Variants in ROCK1 observed in about 807,000 individuals in gnomAD.
The protein encoded by ROCK1 is rho-associated protein kinase 1.
ROCK1 carries 36 observed loss-of-function variants against 196.8 expected under a neutral mutation model. That is an observed-to-expected ratio of 0.18 (90% CI 0.14 to 0.24). The LOEUF (loss-of-function observed/expected upper bound fraction) is 0.24. Ranked by LOEUF, ROCK1 falls within the 10% of genes least tolerant of loss-of-function variation. ROCK1 has a pLI of 1.00. For synonymous variants in ROCK1, 443 were observed against 515.9 expected (o/e 0.86, Z 1.91); for missense variants, 920 against 1,562.0 (o/e 0.59, Z 6.93).
chr18:21,077,452 C>T (rs1171573632), intron 1 of ROCK1, among the ~76,000 whole-genome samples: 1 of 152,076 alleles, frequency 6.6e-6, no homozygotes, highest in East Asian at 1.9e-4. Context: ...ATTCAGAACA[C>T]AGGCAGGAAA....
chr18:20,957,194 A>T (rs1206187844), intron 29 of ROCK1, among the ~76,000 whole-genome samples: 2 of 152,238 alleles, frequency 1.3e-5, no homozygotes, highest in Admixed American at 1.3e-4. Context: ...AACATAAGTT[A>T]AAAAAAGGAA....
At chr18:20,964,735 A>G (rs2035357009) in intron 27 of ROCK1, among the ~76,000 whole-genome samples, 1 of 152,226 alleles carries the variant, frequency 6.6e-6, no homozygotes, top group South Asian at 2.1e-4. Context: ...CTGAAAATGG[A>G]GCTAGTAGAA....
At chr18:20,968,725 G>T (rs772853423) in intron 25 of ROCK1, 47 bp downstream of exon 25, 1 of 1,132,354 alleles carries the variant, frequency 8.8e-7, no homozygotes, top group Non-Finnish European at 1.3e-6. Context: ...AAAGAGCAAT[G>T]ATTAACTCAA....
chr18:21,014,006 C>G (rs1466595159), intron 13 of ROCK1, among the ~76,000 whole-genome samples: 1 of 145,576 alleles, frequency 6.9e-6, no homozygotes, highest in Non-Finnish European at 1.5e-5. Context: ...GCGGAGCTTG[C>G]AGTGAGCAGA....
At chr18:21,103,380 A>G (rs1454879534) in intron 1 of ROCK1, among the ~76,000 whole-genome samples, 1 of 152,184 alleles carries the variant, frequency 6.6e-6, no homozygotes, top group Non-Finnish European at 1.5e-5. Context: ...CTTAAATAAT[A>G]AATCAAAGAC....
intron 1 of ROCK1, among the ~76,000 whole-genome samples, chr18:21,088,958 T>C (rs1368457906): frequency 6.6e-6 from 1 of 152,116 alleles, no homozygotes; most frequent in Non-Finnish European, 1.5e-5. Flanking sequence ...AATTACCCAG[T>C]CTTGGTTCTG....
intron 16 of ROCK1, among the ~76,000 whole-genome samples, chr18:20,995,584 C>A (rs866823648): frequency 6.6e-6 from 1 of 152,138 alleles, no homozygotes; most frequent in Non-Finnish European, 1.5e-5. Flanking sequence ...AGTCCCAAGC[C>A]TGGCAGCATT....
In ROCK1 at chr18:21,042,112, G is replaced by T; in HGVS notation, c.944C>A (p.Ala315Asp). ...ISKEAKNLIC[A>D]FLTDREVRLG... ...AATTATTTACCTGTCAGTAAGGAAG[G>T]CACAAATAAGGTTTTTTGCTTCTTT... The change falls in exon 8 of 33, where the codon GCC becomes GAC. Residue 315 changes from alanine to aspartate, a missense_variant. This residue lies in a region of ROCK1 where 234 missense variants were observed against 460.7 expected (regional missense o/e 0.51). Coordinates refer to ENST00000399799, the MANE Select transcript of ROCK1 (RefSeq NM_005406.3). The T allele has an allele frequency of 6.3e-7, 1 of 1,598,914 alleles. No homozygotes were observed. Among genetic ancestry groups the T allele is most frequent in the Non-Finnish European group, 8.5e-7 (1 of 1,175,972 alleles).
At chr18:21,031,158 G>C (rs12454435) in intron 9 of ROCK1, among the ~76,000 whole-genome samples, 2 of 152,182 alleles carry the variant, frequency 1.3e-5, no homozygotes, top group Admixed American at 6.5e-5. Context: ...GAAAGAGGAA[G>C]AATCTGATTT....
Position 21,094,727 on chromosome 18 carries a change from C to T in ROCK1, c.93+16091G>A, listed in dbSNP as rs2036598363. Among the ~76,000 whole-genome samples the T allele has an allele frequency of 2.1e-5, 3 of 141,732 alleles. No individual in the cohort carries two copies. In the South Asian group the frequency reaches 7.2e-4, roughly 34 times the overall value. The allele number at this position is 141,732 out of a possible 152,430, so 93.0% of individuals were successfully genotyped here. ...CCCCACCACTGAACTCCAGCCTGGG[C>T]AACAAAATGAGATCCTGTCTCAAAA... is the stretch of plus-strand genomic sequence containing the variant. On this transcript the variant is annotated intron_variant, in intron 1 of 32. Coordinates refer to ENST00000399799, the MANE Select transcript of ROCK1 (RefSeq NM_005406.3).
intron 20 of ROCK1, among the ~76,000 whole-genome samples, chr18:20,983,911 C>A (rs1331254578): frequency 6.6e-6 from 1 of 152,114 alleles, no homozygotes; most frequent in Non-Finnish European, 1.5e-5. Flanking sequence ...ATTGTGAAAG[C>A]GTTCCTGATC....
At chr18:21,101,611 T>C (rs1357064772) in intron 1 of ROCK1, among the ~76,000 whole-genome samples, 6 of 152,192 alleles carry the variant, frequency 3.9e-5, no homozygotes, top group Non-Finnish European at 7.3e-5. Flanking sequence ...ACCTAGTTCC[T>C]TCAACATGCA....
intron 2 of ROCK1, among the ~76,000 whole-genome samples, chr18:21,053,354 T>C (rs1315590433): frequency 1.3e-5 from 2 of 152,338 alleles, no homozygotes; most frequent in African/African-American, 4.8e-5. Context: ...TACTCTGTTT[T>C]AAATTTTCTA....
At chr18:20,999,362 TCA>T (rs1401704063) in intron 16 of ROCK1, among the ~76,000 whole-genome samples, 16 of 151,144 alleles carry the variant, frequency 1.1e-4, no homozygotes, top group African/African-American at 3.2e-4. Context: ...AGAAAAAGCC[TCA>T]GAGTCAGATA....
chr18:20,976,507 T>C (rs990116702), intron 22 of ROCK1, among the ~76,000 whole-genome samples: 2 of 152,162 alleles, frequency 1.3e-5, no homozygotes, highest in African/African-American at 4.8e-5. Flanking sequence ...TGGTAACAAA[T>C]GGCTGGAACT....
intron 29 of ROCK1, 72 bp from the exon 30 acceptor site, chr18:20,955,317 A>G: frequency 8.4e-7 from 1 of 1,183,528 alleles, no homozygotes. Flanking sequence ...TAAAGAGGAC[A>G]TATGGGTGAT....
chr18:21,083,230 AT>A (rs578190836), intron 1 of ROCK1, among the ~76,000 whole-genome samples: 108 of 152,144 alleles, frequency 7.1e-4, no homozygotes, highest in African/African-American at 1.6e-3. Context: ...TGGAAAAAAT[AT>A]TTTTTTTAAT....
intron 22 of ROCK1, among the ~76,000 whole-genome samples, chr18:20,971,305 T>TACATACAC (rs2035423858): frequency 7.3e-6 from 1 of 136,750 alleles, no homozygotes; most frequent in African/African-American, 2.8e-5. Context: ...ATAGTAAACA[T>TACATACAC]ACACACACAC....
chr18:21,031,281 A>T (rs1415915910), intron 9 of ROCK1, among the ~76,000 whole-genome samples: 3 of 152,158 alleles, frequency 2.0e-5, no homozygotes, highest in Non-Finnish European at 4.4e-5. Flanking sequence ...GAAGCAAGAA[A>T]ATATGGGCCA....
Sources: allele counts gnomAD v4.1 joint callset (sites outside exome capture counted in the v4.1 genomes callset), GRCh38; gene constraint gnomAD v4.1.1; regional missense constraint gnomAD v4.1.1; transcripts MANE v1.5; gene names NCBI Gene and HGNC (gene_info 2026-07-23, HGNC 2026-07-21).